Variants in KCNH1 observed in about 807,000 individuals in gnomAD.
KCNH1 encodes voltage-gated delayed rectifier potassium channel KCNH1.
In KCNH1, 27 loss-of-function variants were observed where a neutral mutation model predicts 69.2. The ratio of observed to expected loss-of-function variants is 0.39; its 90% CI spans 0.29 to 0.54. KCNH1 has a LOEUF of 0.54. KCNH1 is among the 20% of genes least tolerant of loss of function. The pLI, the probability that KCNH1 is intolerant of heterozygous loss-of-function variation, is 0.68. For missense variants in KCNH1, 798 were observed against 1,261.6 expected (o/e 0.63, Z 5.57); for synonymous variants, 456 against 487.7 (o/e 0.93, Z 0.86).
chr1:210,744,275 T>G (rs1317255), intron 10 of KCNH1, among the ~76,000 whole-genome samples: 469 of 152,092 alleles, frequency 3.1e-3, no homozygotes, highest in Middle Eastern at 6.8e-3. Flanking sequence ...TCTGCAGCAT[T>G]GTAGAATTTG....
At chr1:210,783,432 T>C (rs1380449179) in intron 9 of KCNH1, among the ~76,000 whole-genome samples, 3 of 152,208 alleles carry the variant, frequency 2.0e-5, no homozygotes, top group African/African-American at 7.2e-5. Flanking sequence ...CCTCTTATGG[T>C]AATGAACCCA....
At chr1:210,761,242 A>C (rs985340200) in intron 10 of KCNH1, among the ~76,000 whole-genome samples, 3 of 89,498 alleles carry the variant, frequency 3.4e-5, no homozygotes, top group Non-Finnish European at 6.4e-5. Flanking sequence ...ACAGAGCGAG[A>C]CTCCGTCAAA....
In KCNH1 at chr1:210,809,894, C is replaced by CA. The variant is rs1333213119; in HGVS notation, c.1463-5729_1463-5728insT. 6.0e-3 allele frequency among the ~76,000 whole-genome samples: 906 copies of CA among 152,232 alleles called. 13 individuals are homozygous for CA. The highest frequency in any genetic ancestry group is 0.021 in the African/African-American group (879 of 41,546). ...CCTATTATGGCCAGGAACTCAGTTTCCAAGGCTTCTCTGAAGTCCCCTTGG... is the reference window on the plus strand; with the variant it reads ...CCTATTATGGCCAGGAACTCAGTTTCACAAGGCTTCTCTGAAGTCCCCTTGG... On this transcript the variant is annotated intron_variant, in intron 7 of 10. Transcript: ENST00000271751.
rs549860976 is a variant in KCNH1, at chr1:210,974,306, A to G, written c.1032+44477T>C. Among the ~76,000 whole-genome samples, 6 of 152,240 alleles carry G rather than the reference A, an allele frequency of 3.9e-5. No homozygotes were observed. In the South Asian group the frequency reaches 1.2e-3, roughly 31 times the overall value. On this transcript the variant is annotated intron_variant, in intron 6 of 10. Coordinates refer to ENST00000271751, the MANE Select transcript of KCNH1 (RefSeq NM_172362.3). The stretch of plus-strand genomic sequence containing the variant: ...ACTTGTGGATTTTTTCTTTTATCAT[A>G]TTAATACAGTATATTACAGTAATTA...
chr1:211,009,901 G>A (rs915036958), intron 6 of KCNH1, among the ~76,000 whole-genome samples: 6 of 152,184 alleles, frequency 3.9e-5, no homozygotes, highest in African/African-American at 7.2e-5. Context: ...GAGCCACTGC[G>A]CCTAGCCAAG....
chr1:211,016,371 G>A (rs750323781), intron 6 of KCNH1, among the ~76,000 whole-genome samples: 3 of 152,110 alleles, frequency 2.0e-5, no homozygotes, highest in African/African-American at 4.8e-5. Flanking sequence ...AAGAATCTGT[G>A]GAAGCTGGAG....
At chr1:210,719,241 G>A (rs1682391091) in intron 10 of KCNH1, among the ~76,000 whole-genome samples, 1 of 152,148 alleles carries the variant, frequency 6.6e-6, no homozygotes, top group African/African-American at 2.4e-5. Flanking sequence ...AGTTGTATCA[G>A]ACAGCACCAG....
intron 7 of KCNH1, chr1:210,860,704 C>T (rs1574301742): frequency 1.0e-5 from 8 of 774,770 alleles, no homozygotes; most frequent in Non-Finnish European, 2.4e-6. Flanking sequence ...TTCTTGATTG[C>T]TGATAAATAC....
intron 7 of KCNH1, among the ~76,000 whole-genome samples, chr1:210,809,256 C>T (rs1449556375): frequency 2.6e-5 from 4 of 152,074 alleles, no homozygotes; most frequent in Non-Finnish European, 5.9e-5. Flanking sequence ...AGCTTCTGAA[C>T]TGTGCCATTG....
rs545232649 is a variant in KCNH1, at chr1:211,000,543, C to T, written c.1032+18240G>A. On this transcript the variant is annotated intron_variant, in intron 6 of 10. Transcript: ENST00000271751. ...CAAACAAATGGAAGAACATTCCATG[C>T]TCATGGATAGGAAGAATCAGTATCA... Among the ~76,000 whole-genome samples, 61 of 152,286 alleles carry T rather than the reference C, an allele frequency of 4.0e-4. 1 individual carries two copies. The highest frequency in any genetic ancestry group is 1.2e-3 in the African/African-American group (51 of 41,556).
intron 6 of KCNH1, among the ~76,000 whole-genome samples, chr1:210,986,486 C>G (rs1688837165): frequency 6.6e-6 from 1 of 152,124 alleles, no homozygotes; most frequent in Admixed American, 6.5e-5. Flanking sequence ...CTGGTGGTGA[C>G]AAAATCTCTC....
intron 5 of KCNH1, among the ~76,000 whole-genome samples, chr1:211,031,868 T>C (rs906671496): frequency 2.0e-5 from 3 of 152,112 alleles, no homozygotes; most frequent in Admixed American, 6.6e-5. Context: ...GGATGCCCTC[T>C]CTCACCACTC....
intron 7 of KCNH1, among the ~76,000 whole-genome samples, chr1:210,910,591 A>G (rs998797491): frequency 6.6e-6 from 1 of 152,228 alleles, no homozygotes; most frequent in Admixed American, 6.5e-5. Flanking sequence ...AGACTGGTGG[A>G]AAGACAATGA....
At chr1:210,792,776 A>G (rs1004315624) in intron 9 of KCNH1, among the ~76,000 whole-genome samples, 20 of 152,312 alleles carry the variant, frequency 1.3e-4, no homozygotes, top group African/African-American at 4.8e-4. Flanking sequence ...ACCCATAAAC[A>G]TTACTAAGGG....
intron 10 of KCNH1, among the ~76,000 whole-genome samples, chr1:210,705,821 T>C (rs1039610083): frequency 6.6e-6 from 1 of 152,180 alleles, no homozygotes; most frequent in Non-Finnish European, 1.5e-5. Flanking sequence ...AGTTATGCTG[T>C]GTGTCTCCCC....
chr1:210,974,414 G>A (rs1688564272), intron 6 of KCNH1, among the ~76,000 whole-genome samples: 1 of 152,046 alleles, frequency 6.6e-6, no homozygotes, highest in Non-Finnish European at 1.5e-5. Context: ...CATGTTGCCA[G>A]ATTTGGTTTG....
chr1:210,873,089 C>A (rs1177182334), intron 7 of KCNH1, among the ~76,000 whole-genome samples: 2 of 152,152 alleles, frequency 1.3e-5, no homozygotes, highest in East Asian at 1.9e-4. Context: ...TTTTCGCTAC[C>A]ATGACCACTG....
At chr1:210,719,891 T>G (rs1538757) in intron 10 of KCNH1, among the ~76,000 whole-genome samples, 135,341 of 152,188 alleles carry the variant, frequency 0.89, 60,241 homozygotes, top group South Asian at 0.95. Flanking sequence ...GACAAAGAGG[T>G]TCAAACATCT....
chr1:211,062,066 T>C (rs924495373), intron 5 of KCNH1, among the ~76,000 whole-genome samples: 14 of 152,122 alleles, frequency 9.2e-5, no homozygotes, highest in Admixed American at 7.2e-4. Flanking sequence ...CTTCAAATTA[T>C]ACTACAAAGC....
Sources: allele counts gnomAD v4.1 joint callset (sites outside exome capture counted in the v4.1 genomes callset), GRCh38; gene constraint gnomAD v4.1.1; transcripts MANE v1.5; gene names NCBI Gene and HGNC (gene_info 2026-07-23, HGNC 2026-07-21).